Variants in EFL1 observed in about 807,000 individuals in gnomAD.
EFL1 encodes elongation factor like GTPase 1.
EFL1 carries 76 observed loss-of-function variants against 126.7 expected under a neutral mutation model. The observed-to-expected ratio is 0.60, with a 90% CI of 0.50 to 0.73. EFL1 has a LOEUF of 0.73. EFL1 is among the 30% of genes least tolerant of loss of function. The pLI is 0.00. For synonymous variants in EFL1, 410 were observed against 448.4 expected (o/e 0.91, Z 1.08); for missense variants, 1,128 against 1,343.2 (o/e 0.84, Z 2.50).
In EFL1 at chr15:82,184,888, T is replaced by A. The variant is rs890940060; in HGVS notation, c.1751-20904A>T. On this transcript the variant is annotated intron_variant, in intron 15 of 19. Coordinates refer to ENST00000268206, the MANE Select transcript of EFL1 (RefSeq NM_024580.6). ...AAAAACAAAGAAATGTAGAGTTTCATTATTTGAGGATTTAGAGACAAGAAC... is the reference window on the plus strand; with the variant it reads ...AAAAACAAAGAAATGTAGAGTTTCAATATTTGAGGATTTAGAGACAAGAAC... 2.6e-5 allele frequency among the ~76,000 whole-genome samples: 4 copies of A among 152,324 alleles called. No individual in the cohort carries two copies. The East Asian group carries it at 7.7e-4, about 29-fold the overall frequency.
chr15:82,226,786 G>C (rs2074768636), intron 11 of EFL1, among the ~76,000 whole-genome samples: 1 of 152,142 alleles, frequency 6.6e-6, no homozygotes, highest in Non-Finnish European at 1.5e-5. Context: ...AAACAGATGA[G>C]GATCAAAGAC....
intron 6 of EFL1, among the ~76,000 whole-genome samples, chr15:82,239,041 G>T (rs2074903260): frequency 6.6e-6 from 1 of 152,076 alleles, no homozygotes; most frequent in Non-Finnish European, 1.5e-5. Flanking sequence ...TTTCCTTCAA[G>T]TGCCCCACAT....
intron 15 of EFL1, among the ~76,000 whole-genome samples, chr15:82,199,251 C>T (rs552801927): frequency 8.1e-4 from 124 of 152,226 alleles, no homozygotes; most frequent in African/African-American, 2.6e-3. Context: ...AGATTAAAGG[C>T]CACCCAGGTA....
At chr15:82,244,024 C>A (rs2074948894) in intron 4 of EFL1, among the ~76,000 whole-genome samples, 1 of 152,076 alleles carries the variant, frequency 6.6e-6, no homozygotes, top group Non-Finnish European at 1.5e-5. Flanking sequence ...TGGAGTTTCT[C>A]AAATATATTT....
intron 15 of EFL1, among the ~76,000 whole-genome samples, chr15:82,167,095 C>T (rs1245575914): frequency 6.6e-6 from 1 of 151,996 alleles, no homozygotes; most frequent in Non-Finnish European, 1.5e-5. Flanking sequence ...ATAGAGGGCA[C>T]CAGTATTTTT....
chr15:82,256,332 C>A (rs775755953), intron 3 of EFL1, among the ~76,000 whole-genome samples: 1 of 152,188 alleles, frequency 6.6e-6, no homozygotes. Flanking sequence ...TGTATATTAC[C>A]TATTTATTGC....
chr15:82,203,117 C>G (rs138876541), intron 15 of EFL1, among the ~76,000 whole-genome samples: 1 of 151,808 alleles, frequency 6.6e-6, no homozygotes. Context: ...AGACTGTTCC[C>G]TAACTTTTTG....
intron 3 of EFL1, among the ~76,000 whole-genome samples, chr15:82,254,222 G>A (rs1444436033): frequency 1.3e-5 from 2 of 152,044 alleles, no homozygotes; most frequent in African/African-American, 2.4e-5. Context: ...TGTGTGTTAC[G>A]TGCATATGTG....
intron 7 of EFL1, among the ~76,000 whole-genome samples, chr15:82,236,531 G>A (rs1177654672): frequency 6.6e-6 from 1 of 152,174 alleles, no homozygotes; most frequent in African/African-American, 2.4e-5. Context: ...ATGTCCAAGT[G>A]ATTTTGACAA....
At position 82,214,966 on chromosome 15, in the gene EFL1, T is replaced by C. The variant is rs923866451; in HGVS notation, c.1612-111A>G. 2.9e-5 allele frequency: 29 copies of C among 1,014,288 alleles called. No individual in the cohort carries two copies. The African/African-American group carries it at 3.8e-4, about 13-fold the overall frequency. The allele number at this position is 1,014,288 out of a possible 1,614,324, so 62.8% of individuals were successfully genotyped here. The stretch of plus-strand genomic sequence containing the variant: ...TAAGATATGGTATAGCAACATTTCA[T>C]GTAAACCTGAAATATGAACATTTGA... On this transcript the variant is annotated intron_variant, in intron 14 of 19. Coordinates refer to ENST00000268206, the MANE Select transcript of EFL1 (RefSeq NM_024580.6).
intron 3 of EFL1, 71 bp downstream of exon 3, chr15:82,259,017 A>G: frequency 7.3e-7 from 1 of 1,368,626 alleles, no homozygotes; most frequent in South Asian, 1.2e-5. Context: ...TGAAGAACAC[A>G]GAAAATGGTT....
At chr15:82,213,594 A>G (rs1227322028) in intron 15 of EFL1, among the ~76,000 whole-genome samples, 2 of 152,208 alleles carry the variant, frequency 1.3e-5, no homozygotes, top group African/African-American at 4.8e-5. Flanking sequence ...CCATTCACTC[A>G]GCAGAATGCC....
intron 15 of EFL1, among the ~76,000 whole-genome samples, chr15:82,170,840 T>TATATA (rs2074128331): frequency 6.6e-6 from 1 of 152,236 alleles, no homozygotes; most frequent in Non-Finnish European, 1.5e-5. Context: ...ATTTATATTT[T>TATATA]ATATAGTAAC....
intron 18 of EFL1, among the ~76,000 whole-genome samples, chr15:82,147,824 C>G (rs1287950773): frequency 1.3e-5 from 2 of 151,882 alleles, no homozygotes; most frequent in African/African-American, 4.8e-5. Flanking sequence ...CCTCCTCAAC[C>G]CCTATTTTAA....
intron 15 of EFL1, among the ~76,000 whole-genome samples, chr15:82,214,020 CG>C (rs1484121889): frequency 6.6e-6 from 1 of 152,150 alleles, no homozygotes; most frequent in Non-Finnish European, 1.5e-5. Flanking sequence ...TTCTAAAAAG[CG>C]GAGAATTCCC....
chr15:82,152,473 T>C (rs755481926), intron 17 of EFL1, 50 bp from the exon 18 acceptor site: 1 of 1,466,652 alleles, frequency 6.8e-7, no homozygotes, highest in East Asian at 2.3e-5. Flanking sequence ...CAAAATAGCA[T>C]CAAAGCTCCT....
At chr15:82,189,391 T>G (rs1358725398) in intron 15 of EFL1, among the ~76,000 whole-genome samples, 1 of 152,226 alleles carries the variant, frequency 6.6e-6, no homozygotes, top group African/African-American at 2.4e-5. Flanking sequence ...CATATGGAGC[T>G]TACATTCTAA....
chr15:82,253,175 G>A (rs1420367550), intron 3 of EFL1, among the ~76,000 whole-genome samples: 1 of 152,004 alleles, frequency 6.6e-6, no homozygotes, highest in Non-Finnish European at 1.5e-5. Context: ...AAACAGCTGA[G>A]ATTACAGGCA....
intron 18 of EFL1, among the ~76,000 whole-genome samples, chr15:82,140,899 T>C (rs542838061): frequency 1.3e-5 from 2 of 152,258 alleles, no homozygotes; most frequent in Middle Eastern, 3.4e-3. Context: ...AAACTCATTT[T>C]CTCCCAGGGT....
Sources: gnomAD v4.1 joint callset for allele counts (sites outside exome capture counted in the v4.1 genomes callset) on GRCh38, gnomAD v4.1.1 for gene constraint, MANE v1.5 for transcripts, NCBI Gene and HGNC (gene_info 2026-07-23, HGNC 2026-07-21) for gene names.